SRSF3: variants seen among roughly 807,000 people sequenced by gnomAD.
SRSF3 encodes serine/arginine-rich splicing factor 3.
For missense variants in SRSF3, 58 were observed against 217.1 expected (o/e 0.27, Z 4.61); for synonymous variants, 87 against 73.6 (o/e 1.18, Z -0.93).
rs1778756517 is a variant in SRSF3, at chr6:36,603,638, A to C, written c.*1649A>C. 1 of 229,690 alleles carries C rather than the reference A, an allele frequency of 4.4e-6. No individual in the cohort carries two copies. The highest frequency in any genetic ancestry group is 5.7e-5 in the Admixed American group (1 of 17,674). The allele number at this position is 229,690 out of a possible 1,614,324, so 14.2% of individuals were successfully genotyped here. A position where few individuals can be genotyped will look rare whatever the true frequency, so the allele number is the denominator to read the frequency against. ...GTCAGGAAGGTTCAGCCTTAAAGTT[A>C]AGCATGTTCAAGAAAGACACTTTTC... On this transcript the variant is annotated 3_prime_UTR_variant, in exon 6 of 6. Transcript: ENST00000373715.
In SRSF3 at chr6:36,605,035, A is replaced by G. The variant is rs1778787699; in HGVS notation, c.*3046A>G. The G allele has an allele frequency of 6.6e-6, 1 of 152,216 alleles. No individual in the cohort carries two copies. The highest frequency in any genetic ancestry group is 1.5e-5 in the Non-Finnish European group (1 of 68,038). The allele number at this position is 152,216 out of a possible 1,614,324, so 9.4% of individuals were successfully genotyped here. ...ATTTCTAGTTAAAGTTACTGAAGAAAAACTGGGTTGGAAGTACATTTTTCT... is the reference window on the plus strand; with the variant it reads ...ATTTCTAGTTAAAGTTACTGAAGAAGAACTGGGTTGGAAGTACATTTTTCT... On this transcript the variant is annotated 3_prime_UTR_variant, in exon 6 of 6. Transcript: ENST00000373715.
At position 36,596,952 on chromosome 6, in the gene SRSF3, C is replaced by A. The variant is rs1336899342; in HGVS notation, c.190C>A (p.Arg64=). 6.2e-7 allele frequency: 1 copy of A among 1,613,796 alleles called. No homozygotes were observed. Among genetic ancestry groups the A allele is most frequent in the Non-Finnish European group, 8.5e-7 (1 of 1,179,956 alleles). The change falls in exon 2 of 6, where the codon CGA becomes AGA. Residue 64 remains arginine, a synonymous_variant. Transcript: ENST00000373715. ...TCCCCGAGATGCAGCTGATGCAGTC[C>A]GAGAGCTAGATGGAAGGTGATTTAA... ...EDPRDAADAV[R]ELDGRTLCGC...
At position 36,598,834 on chromosome 6, in the gene SRSF3, T is replaced by C. The variant is rs1257597024; in HGVS notation, c.207-15T>C. The C allele has an allele frequency of 2.5e-6, 4 of 1,610,508 alleles. No homozygotes were observed. The highest frequency in any genetic ancestry group is 2.2e-5 in the South Asian group (2 of 90,822). On this transcript the variant is annotated splice_polypyrimidine_tract_variant and intron_variant, in intron 2 of 5. Transcript: ENST00000373715. ...AAGTCAGGCTGTTTTAAGTTTAATATCTTTGCCCCCTCAGAACACTATGTG... is the reference window on the plus strand; with the variant it reads ...AAGTCAGGCTGTTTTAAGTTTAATACCTTTGCCCCCTCAGAACACTATGTG...
Position 36,598,978 on chromosome 6 carries a change from T to A in SRSF3, c.336T>A (p.Arg112=). ...ATCGTAGGAGGAGTCCTCCACCTCGTCGCAGGTACTTGAGAGAAAGCTTGT... is the reference window on the plus strand; with the variant it reads ...ATCGTAGGAGGAGTCCTCCACCTCGACGCAGGTACTTGAGAGAAAGCTTGT... The part of the protein sequence containing the change: ...DDYRRRSPPP[R]RRSPRRRSFS... Residue 112 remains arginine (R), a synonymous_variant, in exon 3 of 6, where the codon CGT becomes CGA. Coordinates refer to ENST00000373715, the MANE Select transcript of SRSF3 (RefSeq NM_003017.5). The A allele has an allele frequency of 1.9e-5, 30 of 1,614,112 alleles. No homozygotes were observed. The highest frequency in any genetic ancestry group is 2.5e-5 in the Non-Finnish European group (30 of 1,179,986).
intron 1 of SRSF3, 143 bp from the exon 2 acceptor site, chr6:36,596,618 G>A (rs1468227656): frequency 1.6e-5 from 10 of 630,860 alleles, no homozygotes; most frequent in Non-Finnish European, 5.2e-6. Context: ...TTCTTGTTTG[G>A]TTTCTAGCAT....
chr6:36,597,108 T>TC (rs1022467215), intron 2 of SRSF3, 140 bp downstream of exon 2: 7 of 753,022 alleles, frequency 9.3e-6, no homozygotes, highest in Non-Finnish European at 1.5e-5. Flanking sequence ...TTTTTTTTTT[T>TC]TTTTTTTTTT....
chr6:36,600,926 G>A (rs915647706), intron 3 of SRSF3: 3 of 440,498 alleles, frequency 6.8e-6, no homozygotes, highest in African/African-American at 4.1e-5. Flanking sequence ...TGAATCCATG[G>A]TTGGAATACC....
At chr6:36,596,574 C>CGGGGGGGG (rs34650091) in intron 1 of SRSF3, among the ~76,000 whole-genome samples, 187 bp from the exon 2 acceptor site, 13 of 91,942 alleles carry the variant, frequency 1.4e-4, no homozygotes, top group East Asian at 8.7e-4. Context: ...GGCGGGGTGG[C>CGGGGGGGG]GGGGGGGGGG....
chr6:36,596,843 A>G lies in SRSF3; in HGVS notation c.81A>G (p.Glu27=). 1 of 1,614,064 alleles carries G rather than the reference A, an allele frequency of 6.2e-7. No homozygotes were observed. The highest frequency in any genetic ancestry group is 8.5e-7 in the Non-Finnish European group (1 of 1,180,020). The part of the protein sequence containing the change: ...LGNNGNKTEL[E]RAFGYYGPLR... ...ACAATGGCAACAAGACGGAATTGGA[A>G]CGGGCTTTTGGCTACTATGGACCAC... The change falls in exon 2 of 6, where the codon GAA becomes GAG. Residue 27 remains glutamate, a synonymous_variant. Coordinates refer to ENST00000373715, the MANE Select transcript of SRSF3 (RefSeq NM_003017.5).
intron 3 of SRSF3, 160 bp from the exon 4 acceptor site, chr6:36,600,992 C>CTTTTT (rs1169887735): frequency 6.2e-5 from 21 of 340,284 alleles, no homozygotes; most frequent in South Asian, 2.1e-4. Context: ...TTTTTCTTTT[C>CTTTTT]TTTTTTTTCT....
chr6:36,603,028 C>T lies in SRSF3; in HGVS notation c.*1039C>T. 4.6e-6 allele frequency: 1 copy of T among 219,706 alleles called. No individual in the cohort carries two copies. The highest frequency in any genetic ancestry group is 9.1e-6 in the Non-Finnish European group (1 of 109,632). 13.6% of individuals were successfully genotyped at this position (219,706 alleles called of 1,614,324 possible). On this transcript the variant is annotated 3_prime_UTR_variant, in exon 6 of 6. Coordinates refer to ENST00000373715, the MANE Select transcript of SRSF3 (RefSeq NM_003017.5). ...CAGCTGAGAGGCACTATGGATTAGT[C>T]TTCTGAAGTGAAGGAAATATAGATG...
intron 2 of SRSF3, among the ~76,000 whole-genome samples, chr6:36,597,888 ACAGT>A (rs1037419874): frequency 3.3e-4 from 50 of 151,478 alleles, no homozygotes; most frequent in African/African-American, 1.2e-3. Flanking sequence ...AATACAGACG[ACAGT>A]CTGTGTTGCC....
At chr6:36,600,948 T>C (rs1371154181) in intron 3 of SRSF3, 1 of 469,908 alleles carries the variant, frequency 2.1e-6, no homozygotes, top group Non-Finnish European at 3.7e-6. Flanking sequence ...GCTTTTCACT[T>C]GAGCTTTTTG....
At chr6:36,601,290 C>CTAAAA in intron 4 of SRSF3, 100 bp downstream of exon 4, 1 of 1,171,778 alleles carries the variant, frequency 8.5e-7, no homozygotes, top group Non-Finnish European at 1.2e-6. Flanking sequence ...TAAACCTTGG[C>CTAAAA]TTTAATAGTG....
chr6:36,599,004 T>TA (rs1427020690), intron 3 of SRSF3, 21 bp downstream of exon 3: 2 of 1,613,524 alleles, frequency 1.2e-6, no homozygotes, highest in African/African-American at 2.7e-5. Context: ...GAAAGCTTGT[T>TA]AAGAGGTATT....
At chr6:36,600,470 A>T (rs1485789986) in intron 3 of SRSF3, 1 of 201,192 alleles carries the variant, frequency 5.0e-6, no homozygotes, top group African/African-American at 2.4e-5. Context: ...ACTTATTTGC[A>T]TGTGCAAGAT....
In SRSF3 at chr6:36,602,089, G is replaced by C; in HGVS notation, c.*100G>C. ...TTGTTTGAGACTTCATAAGCTTGGT[G>C]CATTTTTAAGATGTTTTAGCTGTTC... On this transcript the variant is annotated 3_prime_UTR_variant, in exon 6 of 6. Coordinates refer to ENST00000373715, the MANE Select transcript of SRSF3 (RefSeq NM_003017.5). 6.5e-7 allele frequency: 1 copy of C among 1,537,680 alleles called. No homozygotes were observed. The highest frequency in any genetic ancestry group is 2.5e-4 in the Middle Eastern group (1 of 4,060).
rs990173061 is a variant in SRSF3 at position 36,600,568 on chromosome 6, A to T, written c.342-584A>T. On this transcript the variant is annotated intron_variant, in intron 3 of 5. Transcript: ENST00000373715. ...CTATCACCTTTAAATGGTTTTACTAACAGTTTCAAAATTTAAAATTTTGGG... is the reference window on the plus strand; with the variant it reads ...CTATCACCTTTAAATGGTTTTACTATCAGTTTCAAAATTTAAAATTTTGGG... 5 of 153,160 alleles carry T rather than the reference A, an allele frequency of 3.3e-5. No homozygotes were observed. In the East Asian group the frequency reaches 9.6e-4, roughly 29 times the overall value. The allele number at this position is 153,160 out of a possible 1,614,324, so 9.5% of individuals were successfully genotyped here.
At chr6:36,597,099 T>TA in intron 2 of SRSF3, 131 bp downstream of exon 2, 1 of 204,724 alleles carries the variant, frequency 4.9e-6, no homozygotes, top group Non-Finnish European at 8.8e-6. Flanking sequence ...ATTGGGATCT[T>TA]TTTTTTTTTT....
Sources: gnomAD v4.1 joint callset for allele counts (sites outside exome capture counted in the v4.1 genomes callset) on GRCh38, gnomAD v4.1.1 for gene constraint, MANE v1.5 for transcripts, NCBI Gene and HGNC (gene_info 2026-07-23, HGNC 2026-07-21) for gene names.